GRHL1: variants seen among roughly 807,000 people sequenced by gnomAD.
The protein encoded by GRHL1 is grainyhead-like protein 1 homolog.
In GRHL1, 38 loss-of-function variants were observed where a neutral mutation model predicts 75.7. That is an observed-to-expected ratio of 0.50 (90% CI 0.39 to 0.66). GRHL1 has a LOEUF of 0.66. Ranked by LOEUF, GRHL1 falls within the 30% of genes least tolerant of loss-of-function variation. GRHL1 has a pLI of 0.00. For synonymous variants in GRHL1, 266 were observed against 279.4 expected, an observed-to-expected ratio of 0.95 and a Z score of 0.48; for missense variants, 589 against 767.5, an observed-to-expected ratio of 0.77 and a Z score of 2.75.
chr2:9,987,892 G>T lies in GRHL1; in HGVS notation c.1269+1610G>T, dbSNP rs928465671. Among the ~76,000 whole-genome samples the T allele has an allele frequency of 6.6e-6, 1 of 152,142 alleles. No individual in the cohort carries two copies. The highest frequency in any genetic ancestry group is 1.5e-5 in the Non-Finnish European group (1 of 68,032). ...GACCTATTTTTGGCAGGGGACGGGG[G>T]CAGTTCTTTTCATCCTATTAAGGGA... On this transcript the variant is annotated intron_variant, in intron 9 of 15. Transcript: ENST00000324907. The surrounding 1 kb of genome is among the most constrained non-coding windows in gnomAD (Gnocchi z 4.2).
rs1414545214 is a variant in GRHL1, at chr2:9,992,663, A to G, written c.1461+517A>G. ...GTTTTGTGGCAAAGGCTTACAAGGG[A>G]TAGAAACTTCAGTAGAATGAAGCAT... is the stretch of plus-strand genomic sequence containing the variant. On this transcript the variant is annotated intron_variant, in intron 11 of 15. Coordinates refer to ENST00000324907, the MANE Select transcript of GRHL1 (RefSeq NM_198182.3). The surrounding 1 kb of genome is among the most constrained non-coding windows in gnomAD (Gnocchi z 4.6). 6.6e-6 allele frequency among the ~76,000 whole-genome samples: 1 copy of G among 152,214 alleles called. No homozygotes were observed. Among genetic ancestry groups the G allele is most frequent in the East Asian group, 1.9e-4 (1 of 5,204 alleles).
rs952914604 is a variant in GRHL1, at chr2:9,987,039, C to T, written c.1269+757C>T. On this transcript the variant is annotated intron_variant, in intron 9 of 15. Transcript: ENST00000324907. The surrounding 1 kb of genome is among the most constrained non-coding windows in gnomAD (Gnocchi z 4.2). ...TGTCGCCCATGCTGGAGTGCAGTGG[C>T]GCAGTCTCGGCTCACTGCAGCCTCT... Among the ~76,000 whole-genome samples, 2 of 150,466 alleles carry T rather than the reference C, an allele frequency of 1.3e-5. No individual in the cohort carries two copies. Among genetic ancestry groups the T allele is most frequent in the Admixed American group, 6.6e-5 (1 of 15,080 alleles).
chr2:9,984,646 C>T (rs1428943814), intron 8 of GRHL1, among the ~76,000 whole-genome samples: 1 of 152,144 alleles, frequency 6.6e-6, no homozygotes, highest in Admixed American at 6.5e-5. Flanking sequence ...CCTTCCATTT[C>T]GAAGGTGGGG....
chr2:9,982,336 C>T (rs937286667), intron 8 of GRHL1, among the ~76,000 whole-genome samples: 6 of 137,508 alleles, frequency 4.4e-5, no homozygotes, highest in African/African-American at 1.6e-4. Context: ...AGACTAATCA[C>T]GTTACCGCAG....
At chr2:9,955,286 G>A (rs1399274525) in intron 2 of GRHL1, among the ~76,000 whole-genome samples, 185 bp downstream of exon 2, 1 of 152,186 alleles carries the variant, frequency 6.6e-6, no homozygotes, top group Non-Finnish European at 1.5e-5. Flanking sequence ...AGAATCAAAG[G>A]GTTGTTTTTA....
rs942653240 is a variant in GRHL1, at chr2:9,968,392, G to A, written c.1110+3011G>A. On this transcript the variant is annotated intron_variant, in intron 8 of 15. Transcript: ENST00000324907. This position sits in a 1 kb window ranked among gnomAD's most constrained non-coding sequence, Gnocchi z 4.7. ...CAGAAACAGGCCCTTAGTGGGATTT[G>A]TCTGCTGTGTAGACGTATTTCATTC... 1.3e-5 allele frequency among the ~76,000 whole-genome samples: 2 copies of A among 152,214 alleles called. No individual in the cohort carries two copies. Among genetic ancestry groups the A allele is most frequent in the African/African-American group, 4.8e-5 (2 of 41,446 alleles).
At chr2:9,999,858 GT>G (rs1669194962) in intron 15 of GRHL1, among the ~76,000 whole-genome samples, 1 of 152,100 alleles carries the variant, frequency 6.6e-6, no homozygotes, top group Non-Finnish European at 1.5e-5. Context: ...TTATTTTCTT[GT>G]TTTTGTATTC....
At chr2:9,978,556 C>T (rs12623004) in intron 8 of GRHL1, among the ~76,000 whole-genome samples, 1 of 152,076 alleles carries the variant, frequency 6.6e-6, no homozygotes, top group Non-Finnish European at 1.5e-5. Context: ...TGCAGAGAAC[C>T]ATTGAAGGCT....
At chr2:9,982,738 T>C (rs990226416) in intron 8 of GRHL1, among the ~76,000 whole-genome samples, 5 of 152,214 alleles carry the variant, frequency 3.3e-5, no homozygotes, top group African/African-American at 4.8e-5. Context: ...GATTCTTAAG[T>C]TTTACATAAG....
At position 10,002,148 on chromosome 2, in the gene GRHL1, T is replaced by C. The variant is rs1281074991; in HGVS notation, c.*1441T>C. 1 of 152,658 alleles carries C rather than the reference T, an allele frequency of 6.6e-6. No individual in the cohort carries two copies. The highest frequency in any genetic ancestry group is 1.5e-5 in the Non-Finnish European group (1 of 68,042). The allele number at this position is 152,658 out of a possible 1,614,324, so 9.5% of individuals were successfully genotyped here. On this transcript the variant is annotated 3_prime_UTR_variant, in exon 16 of 16. Transcript: ENST00000324907. ...AAATTGCTGGTTTTCTAAGATAAGA[T>C]ATGGGATATGGGTCATATAACTTTT...
chr2:9,965,253 G>T, intron 7 of GRHL1, 34 bp from the exon 8 acceptor site: 1 of 1,137,592 alleles, frequency 8.8e-7, no homozygotes, highest in South Asian at 1.2e-5. Flanking sequence ...TAAGACTCAT[G>T]AGTTTTCATT....
At position 9,987,768 on chromosome 2, in the gene GRHL1, G is replaced by A. The variant is rs2125237775; in HGVS notation, c.1269+1486G>A. Among the ~76,000 whole-genome samples the A allele has an allele frequency of 6.6e-6, 1 of 152,330 alleles. No homozygotes were observed. Among genetic ancestry groups the A allele is most frequent in the South Asian group, 2.1e-4 (1 of 4,828 alleles). On this transcript the variant is annotated intron_variant, in intron 9 of 15. Transcript: ENST00000324907. This position sits in a 1 kb window ranked among gnomAD's most constrained non-coding sequence, Gnocchi z 4.2. ...AGGTGCGTCGAGTCTTGAGGGGAAAGTTTGTGCTGGCTCGAAACTGGGGAG... is the reference window on the plus strand; with the variant it reads ...AGGTGCGTCGAGTCTTGAGGGGAAAATTTGTGCTGGCTCGAAACTGGGGAG...
intron 2 of GRHL1, 38 bp from the exon 3 acceptor site, chr2:9,958,748 G>C (rs757074237): frequency 2.6e-6 from 4 of 1,521,734 alleles, no homozygotes; most frequent in South Asian, 1.1e-5. Context: ...CACTTCACTG[G>C]ATAAGAGCTA....
intron 14 of GRHL1, among the ~76,000 whole-genome samples, chr2:9,998,539 T>C (rs1338526551): frequency 1.4e-5 from 1 of 73,958 alleles, no homozygotes; most frequent in Non-Finnish European, 2.4e-5. Flanking sequence ...TATACGTATA[T>C]ATACATATGT....
intron 14 of GRHL1, among the ~76,000 whole-genome samples, 196 bp from the exon 15 acceptor site, chr2:9,998,767 TAC>T (rs200129850): frequency 0.19 from 8,657 of 46,558 alleles, 2,761 homozygotes; most frequent in Non-Finnish European, 0.24. Flanking sequence ...TATATATATG[TAC>T]ACACATATAT....
intron 8 of GRHL1, among the ~76,000 whole-genome samples, chr2:9,981,911 G>T (rs1029934534): frequency 2.0e-5 from 3 of 152,210 alleles, no homozygotes; most frequent in Non-Finnish European, 4.4e-5. Flanking sequence ...TCAGCCTTCA[G>T]CTGAACACAC....
At chr2:9,999,850 ATTTTC>A (rs1331034549) in intron 15 of GRHL1, among the ~76,000 whole-genome samples, 1 of 151,616 alleles carries the variant, frequency 6.6e-6, no homozygotes, top group African/African-American at 2.4e-5. Context: ...ATTTTTGTTT[ATTTTC>A]TTGTTTTTGT....
chr2:9,990,930 G>A lies in GRHL1; in HGVS notation c.1321+183G>A, dbSNP rs947771433. Among the ~76,000 whole-genome samples the A allele has an allele frequency of 2.2e-4, 30 of 139,476 alleles. No individual in the cohort carries two copies. Among genetic ancestry groups the A allele is most frequent in the African/African-American group, 7.9e-4 (29 of 36,608 alleles). The allele number at this position is 139,476 out of a possible 152,430, so 91.5% of individuals were successfully genotyped here. ...GATCAGCAGCAGATGCCAGCTCAGC[G>A]GGAGGGGTTTTCCTGGGGACTACAG... On this transcript the variant is annotated intron_variant, in intron 10 of 15. Coordinates refer to ENST00000324907, the MANE Select transcript of GRHL1 (RefSeq NM_198182.3). The surrounding 1 kb of genome is among the most constrained non-coding windows in gnomAD (Gnocchi z 4.2).
At chr2:9,961,530 C>A in intron 4 of GRHL1, 94 bp downstream of exon 4, 1 of 1,227,546 alleles carries the variant, frequency 8.1e-7, no homozygotes, top group Non-Finnish European at 1.1e-6. Flanking sequence ...GAAACTCAGC[C>A]TGAAATGAAT....
Sources: allele counts gnomAD v4.1 joint callset (sites outside exome capture counted in the v4.1 genomes callset), GRCh38; gene constraint gnomAD v4.1.1; non-coding constraint Gnocchi (gnomAD v3.1); transcripts MANE v1.5; gene names NCBI Gene and HGNC (gene_info 2026-07-23, HGNC 2026-07-21).